ROBO2: variants seen among roughly 807,000 people sequenced by gnomAD.
The protein encoded by ROBO2 is roundabout guidance receptor 2.
Under a neutral mutation model 160.8 loss-of-function variants are expected in ROBO2, and 53 were observed. The observed-to-expected ratio is 0.33, with a 90% confidence interval of 0.26 to 0.41. The LOEUF (loss-of-function observed/expected upper bound fraction) is 0.41. ROBO2 is among the 10% of genes least tolerant of loss of function. The pLI, the probability that ROBO2 is intolerant of heterozygous loss-of-function variation, is 1.00. For synonymous variants in ROBO2, 664 were observed against 611.7 expected (o/e 1.09, Z -1.26); for missense variants, 1,577 against 1,722.4 (o/e 0.92, Z 1.49).
chr3:76,126,802 C>A (rs1038866265), intron 2 of ROBO2, among the ~76,000 whole-genome samples: 1 of 152,088 alleles, frequency 6.6e-6, no homozygotes, highest in Non-Finnish European at 1.5e-5. Context: ...TAATACCTGT[C>A]TTGTATTTAC....
chr3:76,809,412 TG>T (rs1245189985), intron 2 of ROBO2, among the ~76,000 whole-genome samples: 2 of 152,184 alleles, frequency 1.3e-5, no homozygotes, highest in African/African-American at 4.8e-5. Context: ...TGTGGCAGCT[TG>T]CTTCTTCAAA....
chr3:76,316,371 C>G (rs2072028229), intron 2 of ROBO2, among the ~76,000 whole-genome samples: 1 of 152,126 alleles, frequency 6.6e-6, no homozygotes, highest in Non-Finnish European at 1.5e-5. Context: ...ATTTAATAAT[C>G]CTTGCTAGGA....
chr3:77,385,073 A>G (rs534603339), intron 2 of ROBO2, among the ~76,000 whole-genome samples: 59 of 152,218 alleles, frequency 3.9e-4, no homozygotes, highest in Non-Finnish European at 7.5e-4. Flanking sequence ...TCTGTTGCCC[A>G]GGCTGGAGTG....
At chr3:76,453,458 C>G (rs918958306) in intron 2 of ROBO2, among the ~76,000 whole-genome samples, 13 of 152,060 alleles carry the variant, frequency 8.5e-5, no homozygotes, top group Non-Finnish European at 1.9e-4. Context: ...GCTTGTTTGT[C>G]TCAGGTTTGT....
chr3:77,284,560 A>T (rs1296246270), intron 2 of ROBO2, among the ~76,000 whole-genome samples: 1 of 152,142 alleles, frequency 6.6e-6, no homozygotes, highest in Non-Finnish European at 1.5e-5. Context: ...AGGGTTTCAA[A>T]CTACATTACT....
intron 6 of ROBO2, among the ~76,000 whole-genome samples, chr3:77,523,553 A>G (rs1290390935): frequency 2.0e-5 from 3 of 151,354 alleles, no homozygotes; most frequent in African/African-American, 4.8e-5. Flanking sequence ...GACTCCCTGG[A>G]ATTGCTTATA....
intron 2 of ROBO2, among the ~76,000 whole-genome samples, chr3:76,337,749 T>C (rs1477227408): frequency 1.3e-5 from 2 of 152,184 alleles, no homozygotes; most frequent in Non-Finnish European, 2.9e-5. Flanking sequence ...TCAATTCAAT[T>C]GTTTATTACG....
intron 2 of ROBO2, among the ~76,000 whole-genome samples, chr3:77,171,931 T>A (rs1224646740): frequency 6.6e-6 from 1 of 152,210 alleles, no homozygotes; most frequent in Non-Finnish European, 1.5e-5. Context: ...GTCAAGTAGC[T>A]GTATTTATTT....
chr3:76,855,594 T>C (rs2069971023), intron 2 of ROBO2, among the ~76,000 whole-genome samples: 1 of 152,246 alleles, frequency 6.6e-6, no homozygotes, highest in Non-Finnish European at 1.5e-5. Context: ...TTAATGGCTT[T>C]ATTTGGCAAC....
intron 2 of ROBO2, among the ~76,000 whole-genome samples, chr3:76,870,459 T>C (rs905868101): frequency 6.6e-6 from 1 of 152,126 alleles, no homozygotes; most frequent in African/African-American, 2.4e-5. Flanking sequence ...TTTAAAAACA[T>C]GTGTTCAGAT....
At chr3:76,359,781 A>T (rs1400262051) in intron 2 of ROBO2, among the ~76,000 whole-genome samples, 1 of 151,888 alleles carries the variant, frequency 6.6e-6, no homozygotes, top group Non-Finnish European at 1.5e-5. Context: ...TCTTTCCTTT[A>T]CTTCCTAAGA....
At chr3:77,052,386 G>A (rs1378184240) in intron 1 of ROBO2, among the ~76,000 whole-genome samples, 1 of 152,126 alleles carries the variant, frequency 6.6e-6, no homozygotes, top group African/African-American at 2.4e-5. Context: ...TAAAAGCCTT[G>A]AGAGTTATTC....
intron 2 of ROBO2, among the ~76,000 whole-genome samples, chr3:77,380,252 A>T (rs985998929): frequency 2.6e-5 from 4 of 152,210 alleles, no homozygotes; most frequent in African/African-American, 9.6e-5. Context: ...CACAGATTTT[A>T]CTTTGGAAGA....
At chr3:76,592,085 G>A (rs2086450217) in intron 2 of ROBO2, among the ~76,000 whole-genome samples, 1 of 151,862 alleles carries the variant, frequency 6.6e-6, no homozygotes, top group Non-Finnish European at 1.5e-5. Flanking sequence ...CAAACTAGAT[G>A]AGAAAATTTC....
At chr3:75,970,115 C>T (rs1044558798) in intron 2 of ROBO2, among the ~76,000 whole-genome samples, 4 of 151,370 alleles carry the variant, frequency 2.6e-5, no homozygotes, top group African/African-American at 9.7e-5. Context: ...TAACCAGACT[C>T]TCACTGTTGC....
intron 2 of ROBO2, among the ~76,000 whole-genome samples, chr3:76,749,295 T>A (rs1448397228): frequency 6.6e-6 from 1 of 151,982 alleles, no homozygotes; most frequent in Non-Finnish European, 1.5e-5. Flanking sequence ...TGTATACCAC[T>A]ACAATACAAT....
chr3:77,550,750 T>A, intron 7 of ROBO2, 68 bp from the exon 9 acceptor site: 1 of 1,495,582 alleles, frequency 6.7e-7, no homozygotes, highest in Non-Finnish European at 9.3e-7. Context: ...TTAATTGTAG[T>A]AGCTTTTATT....
At chr3:76,765,242 T>C (rs1056907969) in intron 2 of ROBO2, among the ~76,000 whole-genome samples, 3 of 151,842 alleles carry the variant, frequency 2.0e-5, no homozygotes, top group Non-Finnish European at 4.4e-5. Flanking sequence ...ATACATAACA[T>C]CTTTTTTATT....
intron 2 of ROBO2, among the ~76,000 whole-genome samples, chr3:77,018,391 T>G (rs1270026830): frequency 1.3e-5 from 2 of 152,170 alleles, no homozygotes; most frequent in African/African-American, 4.8e-5. Context: ...TTAACAATAT[T>G]CTAAATATAT....
Sources: allele counts gnomAD v4.1 joint callset (sites outside exome capture counted in the v4.1 genomes callset), GRCh38; gene constraint gnomAD v4.1.1; transcripts MANE v1.5; gene names NCBI Gene and HGNC (gene_info 2026-07-23, HGNC 2026-07-21).